KCNT2: variants seen among roughly 807,000 people sequenced by gnomAD.
KCNT2 encodes the protein potassium sodium-activated channel subfamily T member 2.
A neutral mutation model predicts 153.8 loss-of-function variants in KCNT2; 67 were observed. The observed-to-expected ratio is 0.44, with a 90% confidence interval of 0.36 to 0.53. KCNT2 has a LOEUF of 0.53. KCNT2 is among the 20% of genes least tolerant of loss of function. The pLI, the probability that KCNT2 is intolerant of heterozygous loss-of-function variation, is 0.00. For synonymous variants in KCNT2, 500 were observed against 458.8 expected (o/e 1.09, Z -1.15); for missense variants, 975 against 1,354.8 (o/e 0.72, Z 4.40).
chr1:196,468,274 T>C (rs966320724), intron 6 of KCNT2, among the ~76,000 whole-genome samples: 2 of 152,130 alleles, frequency 1.3e-5, no homozygotes, highest in Non-Finnish European at 2.9e-5. Flanking sequence ...GTTGCTTCTC[T>C]AGATAAATCA....
At chr1:196,497,381 T>G (rs766694211) in intron 1 of KCNT2, among the ~76,000 whole-genome samples, 1 of 152,170 alleles carries the variant, frequency 6.6e-6, no homozygotes, top group Admixed American at 6.5e-5. Context: ...ATGATACAGA[T>G]CTGTTTTTCT....
intron 14 of KCNT2, chr1:196,343,070 G>A (rs1665820115): frequency 6.6e-6 from 1 of 152,190 alleles, no homozygotes; most frequent in African/African-American, 2.4e-5. Flanking sequence ...ACTGGATCAT[G>A]TTGGCACCTA....
intron 1 of KCNT2, among the ~76,000 whole-genome samples, chr1:196,570,654 T>C (rs1174586793): frequency 1.3e-5 from 2 of 152,012 alleles, no homozygotes; most frequent in African/African-American, 4.8e-5. Flanking sequence ...CAGATTAGGG[T>C]GCTATACAGA....
At chr1:196,280,332 G>A (rs570089022) in intron 25 of KCNT2, among the ~76,000 whole-genome samples, 1 of 152,060 alleles carries the variant, frequency 6.6e-6, no homozygotes, top group Non-Finnish European at 1.5e-5. Context: ...ATTTACTGAG[G>A]TTTACTTTGG....
At chr1:196,516,158 G>C (rs891268096) in intron 1 of KCNT2, among the ~76,000 whole-genome samples, 1 of 152,110 alleles carries the variant, frequency 6.6e-6, no homozygotes, top group African/African-American at 2.4e-5. Flanking sequence ...CACCTCCCAG[G>C]ATAAGACCCA....
At chr1:196,389,106 T>C (rs1670250616) in intron 13 of KCNT2, among the ~76,000 whole-genome samples, 1 of 151,764 alleles carries the variant, frequency 6.6e-6, no homozygotes, top group Non-Finnish European at 1.5e-5. Flanking sequence ...CATATACTTA[T>C]TTTCCCCTTT....
intron 1 of KCNT2, among the ~76,000 whole-genome samples, chr1:196,590,050 C>T (rs539044778): frequency 7.2e-5 from 11 of 152,188 alleles, no homozygotes; most frequent in Middle Eastern, 3.4e-3. Context: ...TTTACCACTA[C>T]GTAGTGTATC....
chr1:196,387,585 T>C (rs1287133683), intron 13 of KCNT2, among the ~76,000 whole-genome samples: 1 of 151,962 alleles, frequency 6.6e-6, no homozygotes, highest in Non-Finnish European at 1.5e-5. Flanking sequence ...AGTCACATGA[T>C]ACTAAGAATC....
At chr1:196,500,806 A>G (rs995149338) in intron 1 of KCNT2, among the ~76,000 whole-genome samples, 1 of 152,212 alleles carries the variant, frequency 6.6e-6, no homozygotes, top group Non-Finnish European at 1.5e-5. Flanking sequence ...GCATCCAACA[A>G]AGGGCTAATA....
chr1:196,270,924 T>C (rs1355858640), intron 25 of KCNT2, among the ~76,000 whole-genome samples: 1 of 151,938 alleles, frequency 6.6e-6, no homozygotes, highest in Admixed American at 6.6e-5. Context: ...CACTATATTA[T>C]AGTCCAGAAG....
At chr1:196,344,881 T>C (rs546649746) in intron 14 of KCNT2, among the ~76,000 whole-genome samples, 1 of 152,304 alleles carries the variant, frequency 6.6e-6, no homozygotes, top group South Asian at 2.1e-4. Context: ...GAATTTTTTT[T>C]TTCTTTATGA....
chr1:196,382,941 G>T (rs1297172299), intron 13 of KCNT2, among the ~76,000 whole-genome samples: 1 of 151,848 alleles, frequency 6.6e-6, no homozygotes, highest in Non-Finnish European at 1.5e-5. Flanking sequence ...GAAAAAAAAA[G>T]GATCAGCGTA....
At chr1:196,486,466 T>C (rs1679429018) in intron 3 of KCNT2, among the ~76,000 whole-genome samples, 1 of 151,890 alleles carries the variant, frequency 6.6e-6, no homozygotes, top group African/African-American at 2.4e-5. Flanking sequence ...AAAAGTTAAA[T>C]ATAGGAACTT....
chr1:196,492,403 A>G, intron 1 of KCNT2, 62 bp from the exon 2 acceptor site: 1 of 1,133,720 alleles, frequency 8.8e-7, no homozygotes, highest in Non-Finnish European at 1.2e-6. Flanking sequence ...ATTTTCATGA[A>G]GATCAACAAA....
intron 13 of KCNT2, among the ~76,000 whole-genome samples, chr1:196,391,795 G>A (rs2148414389): frequency 6.6e-6 from 1 of 151,310 alleles, no homozygotes; most frequent in East Asian, 1.9e-4. Context: ...GAGAAGCTGT[G>A]GGATGTAGAG....
chr1:196,387,654 T>C (rs888108884), intron 13 of KCNT2, among the ~76,000 whole-genome samples: 2 of 151,962 alleles, frequency 1.3e-5, no homozygotes, highest in African/African-American at 4.8e-5. Flanking sequence ...TTCATTTTGC[T>C]GATGATTAGT....
chr1:196,351,333 T>G (rs1192869474), intron 14 of KCNT2, among the ~76,000 whole-genome samples: 1 of 152,232 alleles, frequency 6.6e-6, no homozygotes. Context: ...TTCCTACCCA[T>G]GAGCATGGAA....
intron 12 of KCNT2, among the ~76,000 whole-genome samples, chr1:196,410,142 C>T (rs533790493): frequency 6.6e-6 from 1 of 151,058 alleles, no homozygotes; most frequent in Non-Finnish European, 1.5e-5. Flanking sequence ...TTTTAATCAG[C>T]TTATTTCCTT....
intron 26 of KCNT2, among the ~76,000 whole-genome samples, chr1:196,250,288 A>G (rs1444893429): frequency 6.6e-6 from 1 of 152,168 alleles, no homozygotes; most frequent in Non-Finnish European, 1.5e-5. Context: ...TGGTACAGAC[A>G]CACAGACCAA....
Sources: gnomAD v4.1 joint callset for allele counts (sites outside exome capture counted in the v4.1 genomes callset) on GRCh38, gnomAD v4.1.1 for gene constraint, MANE v1.5 for transcripts, NCBI Gene and HGNC (gene_info 2026-07-23, HGNC 2026-07-21) for gene names.